The following TTYH2 variants were observed in gnomAD, a reference collection of about 807,000 sequenced individuals.
TTYH2 encodes tweety family member 2.
In TTYH2, 49 loss-of-function variants were observed where a neutral mutation model predicts 68.3. The ratio of observed to expected loss-of-function variants is 0.72; its 90% CI spans 0.57 to 0.91. TTYH2 has a LOEUF of 0.91. Among genes scored for constraint, TTYH2 ranks in the 40% least tolerant of loss-of-function variants. The probability of loss-of-function intolerance (pLI) is 0.00; values close to 1 mark genes in which losing one functional copy is unlikely to be tolerated. For synonymous variants in TTYH2, 272 were observed against 300.8 expected (o/e 0.90, Z 0.99); for missense variants, 631 against 700.4 (o/e 0.90, Z 1.12).
At chr17:74,253,648 C>T in intron 12 of TTYH2, 107 bp from the exon 13 acceptor site, 1 of 1,089,674 alleles carries the variant, frequency 9.2e-7, no homozygotes, top group Non-Finnish European at 1.4e-6. Flanking sequence ...TGGTTTGGTT[C>T]CATCCCCCAC....
intron 4 of TTYH2, among the ~76,000 whole-genome samples, chr17:74,238,736 G>A (rs562301335): frequency 3.3e-5 from 5 of 151,980 alleles, no homozygotes; most frequent in African/African-American, 7.2e-5. Flanking sequence ...GCGTGGTGGC[G>A]CATGCCTGTA....
chr17:74,229,193 C>A (rs911139014), intron 2 of TTYH2, among the ~76,000 whole-genome samples: 1 of 152,044 alleles, frequency 6.6e-6, no homozygotes, highest in Admixed American at 6.5e-5. Context: ...GTCCACAATT[C>A]CTGGAGGTGT....
intron 13 of TTYH2, among the ~76,000 whole-genome samples, chr17:74,255,463 T>C (rs2050684063): frequency 1.3e-5 from 2 of 152,098 alleles, no homozygotes; most frequent in Admixed American, 1.3e-4. Context: ...ATTTTTTATT[T>C]TTTTTTGAGA....
In TTYH2 at chr17:74,237,492, A is replaced by G. The variant is rs1338383752; in HGVS notation, c.613A>G (p.Thr205Ala). The change falls in exon 4 of 14, where the codon ACT becomes GCT. Residue 205 changes from threonine (T) to alanine (A), a missense_variant. Thr to Ala is a moderately conservative substitution (Grantham distance 58). Coordinates refer to ENST00000269346, the MANE Select transcript of TTYH2 (RefSeq NM_032646.6). ...TMELTKLSDQ[T>A]GYVEYYRWLS... is the part of the protein sequence containing the mutation. The stretch of plus-strand genomic sequence containing the variant: ...GGAGCTGACCAAGCTATCCGACCAG[A>G]CTGGCTACGTGGAGTACTACAGGTG... The G allele has an allele frequency of 3.7e-6, 6 of 1,613,082 alleles. No individual in the cohort carries two copies. The highest frequency in any genetic ancestry group is 4.2e-6 in the Non-Finnish European group (5 of 1,179,390).
At chr17:74,221,521 A>T (rs575755273) in intron 1 of TTYH2, among the ~76,000 whole-genome samples, 4 of 152,134 alleles carry the variant, frequency 2.6e-5, no homozygotes, top group Admixed American at 6.5e-5. Flanking sequence ...GGGAACCCCT[A>T]TTGGGGGTGC....
At chr17:74,260,078 C>A in intron 13 of TTYH2, 51 bp from the exon 14 acceptor site, 1 of 1,544,228 alleles carries the variant, frequency 6.5e-7, no homozygotes, top group African/African-American at 1.4e-5. Context: ...TTTGCTGGTG[C>A]AGTGCTTGGC....
In TTYH2 at chr17:74,217,824, T is replaced by C. The variant is rs2050235817; in HGVS notation, c.129+4108T>C. ...TGGGTCCCAGCTTGGCACTCTCCGC[T>C]CTGGGTTTTTCATGACACAGTGACA... On this transcript the variant is annotated intron_variant, in intron 1 of 13. Transcript: ENST00000269346. The surrounding 1 kb of genome is among the most constrained non-coding windows in gnomAD (Gnocchi z 4.0). Among the ~76,000 whole-genome samples the C allele has an allele frequency of 6.6e-6, 1 of 152,118 alleles. No homozygotes were observed. Among genetic ancestry groups the C allele is most frequent in the African/African-American group, 2.4e-5 (1 of 41,422 alleles).
At chr17:74,221,601 G>T (rs527534781) in intron 1 of TTYH2, among the ~76,000 whole-genome samples, 2 of 152,220 alleles carry the variant, frequency 1.3e-5, no homozygotes, top group African/African-American at 4.8e-5. Flanking sequence ...GCTGGCGGCC[G>T]CCAATCCCGG....
rs1024577084 is a variant in TTYH2 at position 74,214,199 on chromosome 17, C to A, written c.129+483C>A. On this transcript the variant is annotated intron_variant, in intron 1 of 13. Coordinates refer to ENST00000269346, the MANE Select transcript of TTYH2 (RefSeq NM_032646.6). The surrounding 1 kb of genome is among the most constrained non-coding windows in gnomAD (Gnocchi z 4.6). ...TTGGCAGAAACTGAGTAGAGTCTCC[C>A]GAGTCGGTCTTCGCAGCACCCCTCC... Among the ~76,000 whole-genome samples the A allele has an allele frequency of 2.6e-5, 4 of 152,076 alleles. No individual in the cohort carries two copies. The highest frequency in any genetic ancestry group is 1.3e-4 in the Admixed American group (2 of 15,284).
chr17:74,242,957 T>C lies in TTYH2; in HGVS notation c.636-417T>C, dbSNP rs912115696. On this transcript the variant is annotated intron_variant, in intron 4 of 13. Coordinates refer to ENST00000269346, the MANE Select transcript of TTYH2 (RefSeq NM_032646.6). ...CTGTCCAGGGTGGTAGCCCCAGCCA[T>C]GTGTGGCTATTGAAATTAATTAAAA... 2.6e-5 allele frequency among the ~76,000 whole-genome samples: 4 copies of C among 152,142 alleles called. No homozygotes were observed. The South Asian group carries it at 6.2e-4, about 24-fold the overall frequency.
chr17:74,251,402 G>T (rs1022959526), intron 10 of TTYH2, among the ~76,000 whole-genome samples: 1 of 151,880 alleles, frequency 6.6e-6, no homozygotes, highest in Non-Finnish European at 1.5e-5. Flanking sequence ...GTGTGTGCGT[G>T]TATTTATAAA....
At chr17:74,243,562 G>C (rs1057159451) in intron 5 of TTYH2, 93 bp downstream of exon 5, 4 of 1,407,322 alleles carry the variant, frequency 2.8e-6, no homozygotes, top group Non-Finnish European at 3.0e-6. Flanking sequence ...CAGAGTGTGG[G>C]GAAAATAGCC....
chr17:74,221,533 T>C (rs2050275864), intron 1 of TTYH2, among the ~76,000 whole-genome samples: 2 of 152,150 alleles, frequency 1.3e-5, no homozygotes, highest in African/African-American at 4.8e-5. Context: ...TGGGGGTGCA[T>C]GGGAAGCAGG....
At chr17:74,250,147 C>T in intron 9 of TTYH2, 118 bp from the exon 10 acceptor site, 1 of 1,462,402 alleles carries the variant, frequency 6.8e-7, no homozygotes. Context: ...TCTCCCGCCC[C>T]CGTGACTCGG....
chr17:74,257,611 C>A (rs1330414018), intron 13 of TTYH2, among the ~76,000 whole-genome samples: 1 of 152,194 alleles, frequency 6.6e-6, no homozygotes, highest in Non-Finnish European at 1.5e-5. Flanking sequence ...GCCTGGTGAT[C>A]GGGATATACA....
rs1207073273 is a variant in TTYH2 at position 74,217,787 on chromosome 17, C to T, written c.129+4071C>T. Among the ~76,000 whole-genome samples the T allele has an allele frequency of 6.6e-6, 1 of 152,204 alleles. No individual in the cohort carries two copies. The highest frequency in any genetic ancestry group is 1.9e-4 in the East Asian group (1 of 5,188). ...TTGGGTCCCGCTGCCATGGTCACTGCGGCCCCCAACTTGGGTCCCAGCTTG... is the reference window on the plus strand; with the variant it reads ...TTGGGTCCCGCTGCCATGGTCACTGTGGCCCCCAACTTGGGTCCCAGCTTG... On this transcript the variant is annotated intron_variant, in intron 1 of 13. Coordinates refer to ENST00000269346, the MANE Select transcript of TTYH2 (RefSeq NM_032646.6). The surrounding 1 kb of genome is among the most constrained non-coding windows in gnomAD (Gnocchi z 4.0).
At chr17:74,224,423 C>T (rs1415996893) in intron 2 of TTYH2, among the ~76,000 whole-genome samples, 1 of 152,156 alleles carries the variant, frequency 6.6e-6, no homozygotes. Flanking sequence ...CATACATGCA[C>T]ACACACAGAT....
At chr17:74,225,861 G>T (rs1040085345) in intron 2 of TTYH2, among the ~76,000 whole-genome samples, 2 of 152,222 alleles carry the variant, frequency 1.3e-5, no homozygotes, top group Non-Finnish European at 2.9e-5. Context: ...AGGAGGGACA[G>T]GTCCAGGCAG....
intron 5 of TTYH2, 146 bp downstream of exon 5, chr17:74,243,615 C>A: frequency 2.6e-6 from 2 of 763,276 alleles, no homozygotes; most frequent in South Asian, 1.7e-5. Flanking sequence ...CAGCACTCAG[C>A]AGAGGAGACA....
Sources: allele counts gnomAD v4.1 joint callset (sites outside exome capture counted in the v4.1 genomes callset), GRCh38; gene constraint gnomAD v4.1.1; non-coding constraint Gnocchi (gnomAD v3.1); transcripts MANE v1.5; gene names NCBI Gene and HGNC (gene_info 2026-07-23, HGNC 2026-07-21).